The following NPAS3 variants were observed in gnomAD, a reference collection of about 807,000 sequenced individuals.
The protein encoded by NPAS3 is neuronal PAS domain protein 3, also known as neuronal PAS domain-containing protein 3.
In NPAS3, 14 loss-of-function variants were observed where a neutral mutation model predicts 73.1. The ratio of observed to expected loss-of-function variants is 0.19; its 90% CI spans 0.13 to 0.30. The LOEUF (loss-of-function observed/expected upper bound fraction) is 0.30, where lower values mean the gene tolerates loss of function less well. NPAS3 is among the 10% of genes least tolerant of loss of function. NPAS3 has a pLI of 1.00. For synonymous variants in NPAS3, 620 were observed against 541.5 expected (o/e 1.14, Z -2.01); for missense variants, 1,096 against 1,250.0 (o/e 0.88, Z 1.86).
intron 5 of NPAS3, among the ~76,000 whole-genome samples, chr14:33,585,284 G>A (rs1482300113): frequency 6.6e-6 from 1 of 152,136 alleles, no homozygotes; most frequent in East Asian, 1.9e-4. Flanking sequence ...TCTGACGAAG[G>A]TTAGCAGTGT....
chr14:33,226,041 T>C (rs1389259182), intron 3 of NPAS3, among the ~76,000 whole-genome samples: 1 of 152,238 alleles, frequency 6.6e-6, no homozygotes, highest in Non-Finnish European at 1.5e-5. Flanking sequence ...GATGTTGGCA[T>C]GTTTCAATAG....
intron 3 of NPAS3, among the ~76,000 whole-genome samples, chr14:33,333,641 G>A (rs1347856091): frequency 1.3e-5 from 2 of 152,108 alleles, no homozygotes; most frequent in African/African-American, 4.8e-5. Flanking sequence ...TTGAGAGAGT[G>A]TGCTCATTTG....
intron 2 of NPAS3, among the ~76,000 whole-genome samples, chr14:33,204,040 G>A (rs578077078): frequency 2.6e-5 from 4 of 152,248 alleles, no homozygotes; most frequent in Admixed American, 2.6e-4. Flanking sequence ...GTATCTCATT[G>A]TGGTTTTGAT....
chr14:33,232,989 C>T (rs2047907601), intron 3 of NPAS3, among the ~76,000 whole-genome samples: 1 of 152,110 alleles, frequency 6.6e-6, no homozygotes, highest in South Asian at 2.1e-4. Context: ...TATAACAAAC[C>T]TTACATCCAA....
At chr14:33,090,638 C>A (rs1456791146) in intron 2 of NPAS3, among the ~76,000 whole-genome samples, 1 of 152,164 alleles carries the variant, frequency 6.6e-6, no homozygotes, top group East Asian at 1.9e-4. Flanking sequence ...CAGCTCTGCA[C>A]CAAGCAGACC....
chr14:33,084,859 T>A (rs2138750792), intron 2 of NPAS3, among the ~76,000 whole-genome samples: 2 of 152,264 alleles, frequency 1.3e-5, no homozygotes, highest in Middle Eastern at 6.8e-3. Flanking sequence ...GAGCACAGTG[T>A]TTATTCCTTG....
intron 3 of NPAS3, among the ~76,000 whole-genome samples, chr14:33,326,886 A>G (rs908609890): frequency 6.6e-6 from 1 of 152,210 alleles, no homozygotes; most frequent in Non-Finnish European, 1.5e-5. Flanking sequence ...ATTCACTGTT[A>G]TTCTCAGAAT....
At chr14:33,041,388 A>G (rs2040343196) in intron 1 of NPAS3, among the ~76,000 whole-genome samples, 1 of 152,182 alleles carries the variant, frequency 6.6e-6, no homozygotes, top group Non-Finnish European at 1.5e-5. Context: ...GTTTACTAAG[A>G]CCAAGAAATT....
chr14:33,402,132 G>A (rs934666618), intron 4 of NPAS3, among the ~76,000 whole-genome samples: 2 of 151,818 alleles, frequency 1.3e-5, no homozygotes, highest in African/African-American at 4.8e-5. Context: ...TCCTTCTATG[G>A]GTCTGATTTA....
At chr14:33,682,397 C>T (rs1444421816) in intron 6 of NPAS3, among the ~76,000 whole-genome samples, 1 of 152,208 alleles carries the variant, frequency 6.6e-6, no homozygotes, top group Non-Finnish European at 1.5e-5. Context: ...ATCATTTAGG[C>T]ATAAACACAG....
In NPAS3 at chr14:33,673,552, C is replaced by T. The variant is rs1196637143; in HGVS notation, c.559-2659C>T. Among the ~76,000 whole-genome samples the T allele has an allele frequency of 2.0e-5, 3 of 152,248 alleles. 1 individual carries two copies. Among genetic ancestry groups the T allele is most frequent in the Admixed American group, 6.5e-5 (1 of 15,288 alleles). ...TTCATCCTGATCCACCAAACAGCAA[C>T]AACAACAAGACATGTTTGCGGTGAT... is the stretch of plus-strand genomic sequence containing the variant. On this transcript the variant is annotated intron_variant, in intron 5 of 11. Transcript: ENST00000356141.
intron 6 of NPAS3, among the ~76,000 whole-genome samples, chr14:33,699,045 A>G (rs1183192877): frequency 6.6e-6 from 1 of 152,222 alleles, no homozygotes; most frequent in Non-Finnish European, 1.5e-5. Flanking sequence ...AGGGACACAT[A>G]GGAAACACAG....
chr14:33,771,760 G>C (rs1234779269), intron 7 of NPAS3, among the ~76,000 whole-genome samples: 1 of 151,790 alleles, frequency 6.6e-6, no homozygotes, highest in Non-Finnish European at 1.5e-5. Flanking sequence ...GCAGTGAGCC[G>C]AGATCACGCC....
chr14:33,000,809 G>A (rs2038780007), intron 1 of NPAS3, among the ~76,000 whole-genome samples: 1 of 152,162 alleles, frequency 6.6e-6, no homozygotes, highest in Non-Finnish European at 1.5e-5. Context: ...GTCAGAAACT[G>A]TTTTAATACA....
At chr14:33,667,934 G>A (rs927931194) in intron 5 of NPAS3, among the ~76,000 whole-genome samples, 1 of 151,668 alleles carries the variant, frequency 6.6e-6, no homozygotes, top group Non-Finnish European at 1.5e-5. Flanking sequence ...TAAGTTCTGG[G>A]GTACATGTAC....
chr14:33,532,554 G>A (rs900537392), intron 4 of NPAS3, among the ~76,000 whole-genome samples: 1 of 151,960 alleles, frequency 6.6e-6, no homozygotes, highest in Non-Finnish European at 1.5e-5. Flanking sequence ...AGCTCATAGG[G>A]CTCATAAATG....
intron 4 of NPAS3, among the ~76,000 whole-genome samples, chr14:33,452,795 A>T (rs2139404248): frequency 6.8e-6 from 1 of 148,020 alleles, no homozygotes; most frequent in African/African-American, 2.5e-5. Context: ...AAAAAAAAAA[A>T]AAAAGGCAAG....
chr14:33,528,335 G>A (rs2053893816), intron 4 of NPAS3, among the ~76,000 whole-genome samples: 1 of 151,820 alleles, frequency 6.6e-6, no homozygotes, highest in South Asian at 2.1e-4. Context: ...TATGTGAGAA[G>A]CCTCATGCCA....
At chr14:33,265,081 T>C (rs905688017) in intron 3 of NPAS3, among the ~76,000 whole-genome samples, 7 of 152,222 alleles carry the variant, frequency 4.6e-5, no homozygotes, top group Non-Finnish European at 1.0e-4. Flanking sequence ...GAATACTCTT[T>C]TCTTCTTTGG....
Sources: allele counts gnomAD v4.1 joint callset (sites outside exome capture counted in the v4.1 genomes callset), GRCh38; gene constraint gnomAD v4.1.1; transcripts MANE v1.5; gene names NCBI Gene and HGNC (gene_info 2026-07-23, HGNC 2026-07-21).